The following CFAP44 variants were observed in gnomAD, a reference collection of about 807,000 sequenced individuals.
The protein encoded by CFAP44 is cilia- and flagella-associated protein 44.
In CFAP44, 134 loss-of-function variants were observed where a neutral mutation model predicts 216.2. The ratio of observed to expected loss-of-function variants is 0.62; its 90% CI spans 0.54 to 0.72. The LOEUF is 0.72. CFAP44 is among the 30% of genes least tolerant of loss of function. The pLI is 0.00. For synonymous variants in CFAP44, 700 were observed against 727.6 expected (o/e 0.96, Z 0.61); for missense variants, 2,035 against 2,182.1 (o/e 0.93, Z 1.34).
At chr3:113,374,188 GC>G (rs1398366698) in intron 17 of CFAP44, among the ~76,000 whole-genome samples, 1 of 151,836 alleles carries the variant, frequency 6.6e-6, no homozygotes, top group Non-Finnish European at 1.5e-5. Context: ...TTTGACAACA[GC>G]AGACTAGATT....
At chr3:113,367,573 T>C (rs1333910993) in intron 18 of CFAP44, among the ~76,000 whole-genome samples, 1 of 152,154 alleles carries the variant, frequency 6.6e-6, no homozygotes, top group Non-Finnish European at 1.5e-5. Context: ...AAACACCATC[T>C]GTAGGTCACC....
At chr3:113,410,603 A>T (rs1477885904) in intron 6 of CFAP44, among the ~76,000 whole-genome samples, 2 of 152,258 alleles carry the variant, frequency 1.3e-5, no homozygotes, top group Non-Finnish European at 2.9e-5. Context: ...TGCCACAATG[A>T]ACATACATGT....
In CFAP44 at chr3:113,291,594, G is replaced by A. The variant is rs376274792; in HGVS notation, c.5528C>T (p.Ser1843Phe). 47 of 1,537,112 alleles carry A rather than the reference G, an allele frequency of 3.1e-5. No homozygotes were observed. The highest frequency in any genetic ancestry group is 1.7e-4 in the Middle Eastern group (1 of 6,012). ...KGSLILPPIQ[S>F]PREKEIQPAD... Reference sequence around the variant, plus strand: ...GGGCTGTATCTCTTTCTCTCGTGGAGACTGAATGGGTGGGAGGATAAGACT... The same window carrying A: ...GGGCTGTATCTCTTTCTCTCGTGGAAACTGAATGGGTGGGAGGATAAGACT... The change falls in exon 35 of 35, where the codon TCT becomes TTT. Residue 1843 changes from serine to phenylalanine, a missense_variant. Ser to Phe is a radical substitution (Grantham distance 155). Coordinates refer to ENST00000393845, the MANE Select transcript of CFAP44 (RefSeq NM_001164496.2).
Position 113,425,492 on chromosome 3 carries a change from T to C in CFAP44, c.407+632A>G, listed in dbSNP as rs181534633. Among the ~76,000 whole-genome samples, 3 of 152,354 alleles carry C rather than the reference T, an allele frequency of 2.0e-5. No individual in the cohort carries two copies. The East Asian group carries it at 5.8e-4, about 29-fold the overall frequency. On this transcript the variant is annotated intron_variant, in intron 4 of 34. Coordinates refer to ENST00000393845, the MANE Select transcript of CFAP44 (RefSeq NM_001164496.2). ...AAAAGACTCTTATTCTCCAAACCAA[T>C]TAAAACTTTATATTTTGTGCCCTGT...
At chr3:113,324,615 A>G (rs899312569) in intron 28 of CFAP44, among the ~76,000 whole-genome samples, 1 of 152,186 alleles carries the variant, frequency 6.6e-6, no homozygotes, top group Non-Finnish European at 1.5e-5. Flanking sequence ...TCCTTAACTT[A>G]ATAGAGTATC....
Position 113,291,393 on chromosome 3 carries a change from C to CA in CFAP44, c.*163dup. 1 of 810,652 alleles carries CA rather than the reference C, an allele frequency of 1.2e-6. No homozygotes were observed. Among genetic ancestry groups the CA allele is most frequent in the South Asian group, 1.9e-5 (1 of 51,664 alleles). The allele number at this position is 810,652 out of a possible 1,614,324, so 50.2% of individuals were successfully genotyped here. On this transcript the variant is annotated 3_prime_UTR_variant, in exon 35 of 35. Coordinates refer to ENST00000393845, the MANE Select transcript of CFAP44 (RefSeq NM_001164496.2). ...GTGCTGCAGTCAGTTCTAAGATAACCAAATTGTAGAGAGATTCTTAAAGTG... is the reference window on the plus strand; with the variant it reads ...GTGCTGCAGTCAGTTCTAAGATAACCAAAATTGTAGAGAGATTCTTAAAGTG...
intron 25 of CFAP44, among the ~76,000 whole-genome samples, chr3:113,332,058 AG>A (rs1189503407): frequency 6.6e-6 from 1 of 152,228 alleles, no homozygotes; most frequent in East Asian, 1.9e-4. Context: ...TTGTAGAAAA[AG>A]GTGTTCTATG....
intron 22 of CFAP44, among the ~76,000 whole-genome samples, chr3:113,358,335 AC>A (rs1326190078): frequency 2.6e-5 from 4 of 152,062 alleles, no homozygotes; most frequent in Admixed American, 6.6e-5. Context: ...GCAAAAAAAA[AC>A]ATTCCCCTGG....
At chr3:113,295,937 G>A (rs894203284) in intron 33 of CFAP44, among the ~76,000 whole-genome samples, 3 of 152,206 alleles carry the variant, frequency 2.0e-5, no homozygotes, top group African/African-American at 7.2e-5. Context: ...AGGTGTACAT[G>A]TACAAGTCTG....
In CFAP44 at chr3:113,296,787, C is replaced by T; in HGVS notation, c.5176G>A (p.Glu1726Lys). The T allele has an allele frequency of 6.5e-7, 1 of 1,537,758 alleles. No homozygotes were observed. Among genetic ancestry groups the T allele is most frequent in the Non-Finnish European group, 8.7e-7 (1 of 1,147,030 alleles). ...TTTCGAAGTTTTCTGATCTTCAGTT[C>T]TTCAAGTGTTGTATTAACAGAAAGC... ...QTLSVNTTLE[E>K]LKIRKLRKEL... The change falls in exon 33 of 35, where the codon GAA (glutamate) becomes AAA (lysine). Residue 1726 changes from glutamate to lysine, a missense_variant. Coordinates refer to ENST00000393845, the MANE Select transcript of CFAP44 (RefSeq NM_001164496.2).
chr3:113,323,427 G>C (rs1950162130), intron 28 of CFAP44, among the ~76,000 whole-genome samples: 1 of 152,124 alleles, frequency 6.6e-6, no homozygotes, highest in Admixed American at 6.5e-5. Context: ...AGCACACATG[G>C]ACATAAGCAC....
In CFAP44 at chr3:113,353,948, G is replaced by T. The variant is rs567441093; in HGVS notation, c.3065+4797C>A. Among the ~76,000 whole-genome samples the T allele has an allele frequency of 5.7e-4, 87 of 152,248 alleles. 2 individuals carry two copies. The South Asian group carries it at 0.014, about 25-fold the overall frequency. ...AGATCTCACACAGTTGAAATAGCTT[G>T]TGTTCCCATAAACCTGATAATACAT... is the stretch of plus-strand genomic sequence containing the variant. On this transcript the variant is annotated intron_variant, in intron 22 of 34. Transcript: ENST00000393845.
chr3:113,401,329 T>C (rs901435584), intron 10 of CFAP44, 42 bp from the exon 11 acceptor site: 2 of 1,522,884 alleles, frequency 1.3e-6, no homozygotes, highest in East Asian at 2.3e-5. Flanking sequence ...ATTTTAAACT[T>C]TCATCAGATT....
chr3:113,292,410 A>G lies in CFAP44; in HGVS notation c.5374-662T>C, dbSNP rs1949839045. Among the ~76,000 whole-genome samples the G allele has an allele frequency of 2.0e-5, 3 of 152,364 alleles. No homozygotes were observed. In the South Asian group the frequency reaches 6.2e-4, roughly 32 times the overall value. ...TCCTGTCTTTTAGAAACAGGGCTCC[A>G]TATGACTAAGTCTCATCACTCTGCC... On this transcript the variant is annotated intron_variant, in intron 34 of 34. Transcript: ENST00000393845.
chr3:113,369,071 A>G (rs1933057406), intron 18 of CFAP44, among the ~76,000 whole-genome samples: 2 of 152,244 alleles, frequency 1.3e-5, no homozygotes, highest in Admixed American at 1.3e-4. Context: ...ATACAGGAGC[A>G]CCCAGATTCA....
chr3:113,291,717 T>A lies in CFAP44; in HGVS notation c.5405A>T (p.Asp1802Val). 1 of 1,536,500 alleles carries A rather than the reference T, an allele frequency of 6.5e-7. No individual in the cohort carries two copies. Among genetic ancestry groups the A allele is most frequent in the Non-Finnish European group, 8.7e-7 (1 of 1,146,948 alleles). ...GNAFQGPREA[D>V]VVAREEVTEL... is the part of the protein sequence containing the mutation. ...AGTGACCTCCTCTCTTGCCACAACA[T>A]CTGCTTCCCGAGGGCCCTGGAAGGC... The change falls in exon 35 of 35, where the codon GAT becomes GTT. Residue 1802 changes from aspartate (D) to valine (V), a missense_variant. By Grantham distance (152) the Asp-to-Val change is radical. Coordinates refer to ENST00000393845, the MANE Select transcript of CFAP44 (RefSeq NM_001164496.2).
intron 28 of CFAP44, among the ~76,000 whole-genome samples, chr3:113,318,556 A>C (rs1312449197): frequency 6.6e-6 from 1 of 152,234 alleles, no homozygotes; most frequent in Non-Finnish European, 1.5e-5. Flanking sequence ...TTTGAAATAC[A>C]AACTCAAGAA....
At chr3:113,414,174 G>A (rs1344153393) in intron 6 of CFAP44, among the ~76,000 whole-genome samples, 1 of 152,130 alleles carries the variant, frequency 6.6e-6, no homozygotes, top group Non-Finnish European at 1.5e-5. Context: ...TATTGTTGAT[G>A]TATAGGAATG....
chr3:113,310,672 A>C (rs565448282), intron 28 of CFAP44, among the ~76,000 whole-genome samples: 1 of 152,308 alleles, frequency 6.6e-6, no homozygotes, highest in South Asian at 2.1e-4. Context: ...TGTAATCCCC[A>C]GTGTTGGAGG....
Sources: gnomAD v4.1 joint callset for allele counts (sites outside exome capture counted in the v4.1 genomes callset) on GRCh38, gnomAD v4.1.1 for gene constraint, MANE v1.5 for transcripts, NCBI Gene and HGNC (gene_info 2026-07-23, HGNC 2026-07-21) for gene names.